The following GABBR2 variants were observed in gnomAD, a reference collection of about 807,000 sequenced individuals.
GABBR2 encodes G-protein coupled receptor 51.
Under a neutral mutation model 105.6 loss-of-function variants are expected in GABBR2, and 23 were observed. The ratio of observed to expected loss-of-function variants is 0.22; its 90% CI spans 0.16 to 0.31. The LOEUF (loss-of-function observed/expected upper bound fraction) is 0.31. Ranked by LOEUF, GABBR2 falls within the 10% of genes least tolerant of loss-of-function variation. GABBR2 has a pLI of 1.00. For missense variants in GABBR2, 734 were observed against 1,245.5 expected (o/e 0.59, Z 6.18); for synonymous variants, 478 against 499.7 (o/e 0.96, Z 0.58).
In GABBR2 at chr9:98,388,652, T is replaced by C. The variant is rs867061236; in HGVS notation, c.1529+202A>G. 4.1e-5 allele frequency among the ~76,000 whole-genome samples: 6 copies of C among 145,726 alleles called. No homozygotes were observed. The highest frequency in any genetic ancestry group is 1.4e-4 in the African/African-American group (5 of 36,034). On this transcript the variant is annotated intron_variant, in intron 10 of 18. Coordinates refer to ENST00000259455, the MANE Select transcript of GABBR2 (RefSeq NM_005458.8). The surrounding 1 kb of genome is among the most constrained non-coding windows in gnomAD (Gnocchi z 4.4). ...GTGTGTGTGTGTGTGTGTGTGTGTGTGTGTGTGTGCGTGCACGCACACACA... is the reference window on the plus strand; with the variant it reads ...GTGTGTGTGTGTGTGTGTGTGTGTGCGTGTGTGTGCGTGCACGCACACACA...
chr9:98,358,158 T>G (rs1295279972), intron 13 of GABBR2, among the ~76,000 whole-genome samples: 1 of 152,240 alleles, frequency 6.6e-6, no homozygotes, highest in East Asian at 1.9e-4. Flanking sequence ...TTATAAACAG[T>G]GCTGCTGTGA....
chr9:98,589,111 C>A (rs1403671263), intron 1 of GABBR2, among the ~76,000 whole-genome samples: 1 of 152,210 alleles, frequency 6.6e-6, no homozygotes. Flanking sequence ...GGGCTCCTCA[C>A]TTCTGGCCAG....
chr9:98,396,067 A>G (rs1303377563), intron 8 of GABBR2, among the ~76,000 whole-genome samples: 1 of 152,200 alleles, frequency 6.6e-6, no homozygotes, highest in Non-Finnish European at 1.5e-5. Flanking sequence ...CCAGACTCAA[A>G]CCCTGGACAT....
chr9:98,416,990 TC>T (rs1260607541), intron 7 of GABBR2, among the ~76,000 whole-genome samples: 8 of 152,142 alleles, frequency 5.3e-5, no homozygotes, highest in Non-Finnish European at 7.3e-5. Context: ...TAAAGTGGCC[TC>T]CCCTGTTCAT....
chr9:98,389,610 T>C (rs1832142533), intron 9 of GABBR2, among the ~76,000 whole-genome samples: 1 of 152,240 alleles, frequency 6.6e-6, no homozygotes, highest in Non-Finnish European at 1.5e-5. Context: ...CTCCCTGCTG[T>C]GCCAGAACTG....
intron 1 of GABBR2, among the ~76,000 whole-genome samples, chr9:98,675,784 G>A (rs1029916161): frequency 6.6e-6 from 1 of 152,172 alleles, no homozygotes; most frequent in Admixed American, 6.5e-5. Context: ...TGTATAAAGA[G>A]ATATTGGTTG....
At chr9:98,296,451 C>G (rs1427001576) in intron 17 of GABBR2, among the ~76,000 whole-genome samples, 1 of 152,172 alleles carries the variant, frequency 6.6e-6, no homozygotes, top group African/African-American at 2.4e-5. Flanking sequence ...GAGAACAAAT[C>G]CCAAAAGTGG....
intron 1 of GABBR2, among the ~76,000 whole-genome samples, chr9:98,699,768 C>CA (rs1344753121): frequency 6.6e-6 from 1 of 152,188 alleles, no homozygotes; most frequent in Non-Finnish European, 1.5e-5. Flanking sequence ...GGGGCTCATA[C>CA]ACTCACGGTT....
At chr9:98,564,812 G>A (rs950350883) in intron 2 of GABBR2, among the ~76,000 whole-genome samples, 1 of 152,120 alleles carries the variant, frequency 6.6e-6, no homozygotes, top group Admixed American at 6.5e-5. Flanking sequence ...ACCTCATCAG[G>A]GATTGTAATA....
At chr9:98,567,753 T>G (rs1828771628) in intron 2 of GABBR2, among the ~76,000 whole-genome samples, 1 of 152,172 alleles carries the variant, frequency 6.6e-6, no homozygotes, top group Non-Finnish European at 1.5e-5. Context: ...CTGAGGGGGC[T>G]GCTAATTCGC....
intron 3 of GABBR2, among the ~76,000 whole-genome samples, chr9:98,509,805 G>A (rs1827598317): frequency 6.6e-6 from 1 of 152,232 alleles, no homozygotes; most frequent in Admixed American, 6.5e-5. Flanking sequence ...TGGTGTACCT[G>A]AAAGTGACGG....
At chr9:98,413,993 A>C (rs1016272535) in intron 7 of GABBR2, among the ~76,000 whole-genome samples, 2 of 152,270 alleles carry the variant, frequency 1.3e-5, no homozygotes. Context: ...ACGTGCATTC[A>C]ATCAGCAAGT....
chr9:98,636,221 G>A (rs980901671), intron 1 of GABBR2, among the ~76,000 whole-genome samples: 1 of 152,112 alleles, frequency 6.6e-6, no homozygotes, highest in Non-Finnish European at 1.5e-5. Context: ...AAAGTACCCG[G>A]CAAAAATGAA....
intron 1 of GABBR2, among the ~76,000 whole-genome samples, chr9:98,631,422 T>G (rs565947016): frequency 2.4e-4 from 37 of 152,370 alleles, no homozygotes; most frequent in African/African-American, 8.7e-4. Context: ...TAACATTTAT[T>G]GAGGGTCTGC....
chr9:98,312,977 C>T (rs13302005), intron 13 of GABBR2, among the ~76,000 whole-genome samples: 7,815 of 152,140 alleles, frequency 0.051, 337 homozygotes, highest in Middle Eastern at 0.11. Flanking sequence ...CTTGAGCTGC[C>T]GACCTTAGGT....
At chr9:98,502,980 G>A (rs1300949257) in intron 3 of GABBR2, among the ~76,000 whole-genome samples, 3 of 152,206 alleles carry the variant, frequency 2.0e-5, no homozygotes, top group East Asian at 1.9e-4. Flanking sequence ...AACCGTCTGA[G>A]GTAGGACTGG....
chr9:98,491,447 G>A (rs1174329373), intron 4 of GABBR2, among the ~76,000 whole-genome samples: 1 of 152,142 alleles, frequency 6.6e-6, no homozygotes. Flanking sequence ...ATTATATGTG[G>A]TCTGCACTGA....
chr9:98,512,026 A>G (rs931414328), intron 3 of GABBR2, among the ~76,000 whole-genome samples: 3 of 152,046 alleles, frequency 2.0e-5, no homozygotes, highest in South Asian at 2.1e-4. Context: ...CTGGCAAACC[A>G]AATCCAGCAG....
intron 1 of GABBR2, among the ~76,000 whole-genome samples, chr9:98,597,452 A>C (rs1315581338): frequency 1.3e-5 from 2 of 152,226 alleles, no homozygotes; most frequent in Non-Finnish European, 2.9e-5. Context: ...CACAAGCATC[A>C]TCTCATGAAG....
Sources: gnomAD v4.1 joint callset for allele counts (sites outside exome capture counted in the v4.1 genomes callset) on GRCh38, gnomAD v4.1.1 for gene constraint, Gnocchi (gnomAD v3.1) non-coding constraint, MANE v1.5 for transcripts, NCBI Gene and HGNC (gene_info 2026-07-23, HGNC 2026-07-21) for gene names.